RNFT2: variants seen among roughly 807,000 people sequenced by gnomAD.
RNFT2 encodes the protein ring finger protein, transmembrane 2.
In RNFT2, 36 loss-of-function variants were observed where a neutral mutation model predicts 53.0. The ratio of observed to expected loss-of-function variants is 0.68; its 90% CI spans 0.52 to 0.90. The LOEUF is 0.90. Ranked by LOEUF, RNFT2 falls within the 40% of genes least tolerant of loss-of-function variation. The probability of loss-of-function intolerance (pLI) is 0.00; values close to 1 mark genes in which losing one functional copy is unlikely to be tolerated. For missense variants in RNFT2, 514 were observed against 585.6 expected, an observed-to-expected ratio of 0.88 and a Z score of 1.26; for synonymous variants, 260 against 253.2, an observed-to-expected ratio of 1.03 and a Z score of -0.26.
Position 116,741,100 on chromosome 12 carries a change from C to T in RNFT2, c.83+6C>T, listed in dbSNP as rs536688543. ...GATAACATTCCACCTGAAAGGTAGG[C>T]ATCCCTGCTTCTGTTCCATCTGAGG... On this transcript the variant is annotated splice_donor_region_variant and intron_variant, in intron 3 of 10. Transcript: ENST00000257575. The T allele has an allele frequency of 5.0e-6, 8 of 1,606,214 alleles. No homozygotes were observed. The East Asian group carries it at 1.8e-4, about 36-fold the overall frequency.
At chr12:116,759,658 T>C (rs1026247032) in intron 5 of RNFT2, among the ~76,000 whole-genome samples, 3 of 152,212 alleles carry the variant, frequency 2.0e-5, no homozygotes, top group Admixed American at 1.3e-4. Flanking sequence ...CCAGCGAGTC[T>C]ACCTGGCTCC....
Position 116,803,752 on chromosome 12 carries a change from A to G in RNFT2, c.882+24404A>G, listed in dbSNP as rs190167122. Among the ~76,000 whole-genome samples the G allele has an allele frequency of 2.6e-3, 400 of 152,324 alleles. 2 individuals are homozygous for G. Among genetic ancestry groups the G allele is most frequent in the African/African-American group, 9.3e-3 (387 of 41,556 alleles). ...GACAATTTCTCAACTTGAGGTGTAT[A>G]TAAAAGTCATCTGGAGAGCCTTGAG... On this transcript the variant is annotated intron_variant, in intron 7 of 10. Coordinates refer to ENST00000257575, the MANE Select transcript of RNFT2 (RefSeq NM_001382266.1).
In RNFT2 at chr12:116,827,566, A is replaced by G. The variant is rs994367374; in HGVS notation, c.883-6226A>G. Among the ~76,000 whole-genome samples the G allele has an allele frequency of 8.4e-4, 128 of 152,238 alleles. 6 individuals are homozygous for G. Among genetic ancestry groups the G allele is most frequent in the Non-Finnish European group, 1.9e-4 (13 of 68,038 alleles). On this transcript the variant is annotated intron_variant, in intron 7 of 10. Transcript: ENST00000257575. ...CACAGGTCAGAAAACTACAGGCTAC[A>G]GGCCAAATACGTCCTGCCACTTGTT...
chr12:116,826,596 C>T (rs1011054907), intron 7 of RNFT2, among the ~76,000 whole-genome samples: 8 of 152,206 alleles, frequency 5.3e-5, no homozygotes, highest in Non-Finnish European at 1.0e-4. Context: ...GGCCCACCCC[C>T]GGCAGCTAAT....
intron 5 of RNFT2, among the ~76,000 whole-genome samples, chr12:116,755,004 A>ATTTAG (rs1395700663): frequency 6.6e-6 from 1 of 152,022 alleles, no homozygotes; most frequent in Non-Finnish European, 1.5e-5. Context: ...GGTCCCAGCT[A>ATTTAG]TTTATCTTTG....
chr12:116,750,200 C>T lies in RNFT2; in HGVS notation c.443C>T (p.Thr148Met). The part of the protein sequence containing the change: ...SEEGGDEQPG[T>M]PAPALSELKA... ...GAGGGAGGCGACGAGCAGCCTGGGA[C>T]GCCCGCCCCCGCCCTGTCCGAGCTG... Residue 148 changes from threonine to methionine, a missense_variant, in exon 4 of 11, where the codon ACG becomes ATG. Thr to Met is a moderately conservative substitution (Grantham distance 81). Transcript: ENST00000257575. 6.2e-7 allele frequency: 1 copy of T among 1,602,410 alleles called. No homozygotes were observed.
chr12:116,790,590 G>A (rs987874307), intron 7 of RNFT2, among the ~76,000 whole-genome samples: 3 of 152,228 alleles, frequency 2.0e-5, no homozygotes, highest in Non-Finnish European at 2.9e-5. Flanking sequence ...TCCATCTGAT[G>A]TCAGCCTCAT....
At chr12:116,830,724 A>G (rs1303261441) in intron 7 of RNFT2, among the ~76,000 whole-genome samples, 2 of 152,040 alleles carry the variant, frequency 1.3e-5, no homozygotes, top group Non-Finnish European at 2.9e-5. Flanking sequence ...AGCCTGGCCA[A>G]CATGGTGAAA....
rs375265047 is a variant in RNFT2, at chr12:116,841,494, T to C, written c.1200+5212T>C. Among the ~76,000 whole-genome samples, 35 of 151,036 alleles carry C rather than the reference T, an allele frequency of 2.3e-4. 1 individual carries two copies. In the South Asian group the frequency reaches 7.1e-3, roughly 31 times the overall value. Reference sequence around the variant, plus strand: ...TGGGCATGGTGGCTCACACCTGTAATCCCAGCACTTTGGGAGGGTGAGGCA... The same window carrying C: ...TGGGCATGGTGGCTCACACCTGTAACCCCAGCACTTTGGGAGGGTGAGGCA... On this transcript the variant is annotated intron_variant, in intron 10 of 10. Transcript: ENST00000257575.
At chr12:116,814,949 C>A (rs984992069) in intron 7 of RNFT2, among the ~76,000 whole-genome samples, 1 of 152,220 alleles carries the variant, frequency 6.6e-6, no homozygotes, top group South Asian at 2.1e-4. Flanking sequence ...TTAGCCAGGC[C>A]GGTCACAAAC....
chr12:116,832,151 AT>A (rs1565873257), intron 7 of RNFT2, among the ~76,000 whole-genome samples: 5 of 122,206 alleles, frequency 4.1e-5, no homozygotes, highest in African/African-American at 1.8e-4. Context: ...AAAAAAAAAT[AT>A]ATATATATAT....
chr12:116,777,132 G>A (rs187281277), intron 6 of RNFT2, among the ~76,000 whole-genome samples: 60 of 151,898 alleles, frequency 4.0e-4, no homozygotes, highest in Middle Eastern at 3.4e-3. Context: ...TGGCCGGGCC[G>A]GTCTCAAACT....
intron 7 of RNFT2, among the ~76,000 whole-genome samples, chr12:116,819,106 G>T (rs2137177703): frequency 6.6e-6 from 1 of 152,326 alleles, no homozygotes; most frequent in South Asian, 2.1e-4. Flanking sequence ...TTCACTCAGT[G>T]GCTGTGAAAT....
chr12:116,807,754 C>A (rs1875152265), intron 7 of RNFT2, among the ~76,000 whole-genome samples: 1 of 152,070 alleles, frequency 6.6e-6, no homozygotes, highest in African/African-American at 2.4e-5. Flanking sequence ...CCTCAACTAC[C>A]CTGGTACCCT....
chr12:116,819,458 C>T (rs1028840501), intron 7 of RNFT2, among the ~76,000 whole-genome samples: 2 of 152,062 alleles, frequency 1.3e-5, no homozygotes, highest in African/African-American at 4.8e-5. Flanking sequence ...GCCATGAGAT[C>T]ATGAGATGCC....
At chr12:116,754,431 G>T (rs1208541433) in intron 5 of RNFT2, among the ~76,000 whole-genome samples, 1 of 152,144 alleles carries the variant, frequency 6.6e-6, no homozygotes, top group Non-Finnish European at 1.5e-5. Context: ...ATTGTGAATT[G>T]TGCTGCTATA....
Position 116,853,077 on chromosome 12 carries a change from T to A in RNFT2, c.*3629T>A. 2.4e-6 allele frequency: 1 copy of A among 419,390 alleles called. No homozygotes were observed. The highest frequency in any genetic ancestry group is 2.0e-5 in the African/African-American group (1 of 49,396). The allele number at this position is 419,390 out of a possible 1,614,324, so 26.0% of individuals were successfully genotyped here. ...CTGGGGGAACGTCCCATCTGAGGTT[T>A]TCTTCTCGGTGGGGGGATTTAACTT... On this transcript the variant is annotated 3_prime_UTR_variant, in exon 11 of 11. Transcript: ENST00000257575.
rs1354206490 is a variant in RNFT2 at position 116,849,364 on chromosome 12, C to T, written c.1251C>T (p.Thr417=). The change falls in exon 11 of 11, where the codon ACC becomes ACT. Residue 417 remains threonine (T), a synonymous_variant. Transcript: ENST00000257575. The part of the protein sequence containing the change: ...CLCLWLDRER[T]CPLCRSVAVD... ...GCCTGTGGCTGGACCGTGAGCGCAC[C>T]TGCCCGCTCTGCCGCTCGGTCGCCG... 1.9e-6 allele frequency: 3 copies of T among 1,549,182 alleles called. No individual in the cohort carries two copies. In the South Asian group the frequency reaches 3.6e-5, roughly 18 times the overall value.
At chr12:116,782,759 G>A (rs1454940872) in intron 7 of RNFT2, among the ~76,000 whole-genome samples, 1 of 151,946 alleles carries the variant, frequency 6.6e-6, no homozygotes, top group East Asian at 1.9e-4. Context: ...CTCACATGCC[G>A]AAAATAAGTC....
Sources: gnomAD v4.1 joint callset for allele counts (sites outside exome capture counted in the v4.1 genomes callset) on GRCh38, gnomAD v4.1.1 for gene constraint, MANE v1.5 for transcripts, NCBI Gene and HGNC (gene_info 2026-07-23, HGNC 2026-07-21) for gene names.